SYNPR: variants seen among roughly 807,000 people sequenced by gnomAD.
SYNPR encodes synaptoporin.
A neutral mutation model predicts 32.9 loss-of-function variants in SYNPR; 23 were observed. The observed-to-expected ratio is 0.70, with a 90% CI of 0.50 to 0.99. The LOEUF is 0.99. Ranked by LOEUF, SYNPR falls within the 50% of genes least tolerant of loss-of-function variation. The pLI, the probability that SYNPR is intolerant of heterozygous loss-of-function variation, is 0.00. For synonymous variants in SYNPR, 146 were observed against 135.9 expected, an observed-to-expected ratio of 1.07 and a Z score of -0.52; for missense variants, 318 against 349.3, an observed-to-expected ratio of 0.91 and a Z score of 0.71.
At chr3:63,285,657 T>C (rs1182820341) in intron 2 of SYNPR, among the ~76,000 whole-genome samples, 7 of 152,174 alleles carry the variant, frequency 4.6e-5, no homozygotes, top group African/African-American at 1.7e-4. Context: ...CTGAGTGTAT[T>C]AAGACAACTG....
chr3:63,343,857 A>C (rs2087401951), intron 2 of SYNPR, among the ~76,000 whole-genome samples: 1 of 152,238 alleles, frequency 6.6e-6, no homozygotes, highest in African/African-American at 2.4e-5. Flanking sequence ...ACGGTGACTC[A>C]GGCTCCTGGC....
At chr3:63,456,477 T>G (rs894273955) in intron 2 of SYNPR, among the ~76,000 whole-genome samples, 1 of 152,128 alleles carries the variant, frequency 6.6e-6, no homozygotes, top group African/African-American at 2.4e-5. Flanking sequence ...AGTTTCCATT[T>G]TTTTGAGCCC....
intron 4 of SYNPR, among the ~76,000 whole-genome samples, chr3:63,589,300 T>C (rs958780557): frequency 1.3e-5 from 2 of 152,088 alleles, no homozygotes; most frequent in Non-Finnish European, 2.9e-5. Flanking sequence ...CCAAGGACTT[T>C]TCCTACAAAG....
intron 2 of SYNPR, among the ~76,000 whole-genome samples, chr3:63,325,957 C>T (rs1322318209): frequency 1.3e-5 from 2 of 151,998 alleles, no homozygotes; most frequent in African/African-American, 2.4e-5. Flanking sequence ...CACATCCCTG[C>T]ATGTCCAAGA....
chr3:63,229,533 T>C (rs9878753), intron 1 of SYNPR, among the ~76,000 whole-genome samples: 2,182 of 152,212 alleles, frequency 0.014, 42 homozygotes, highest in African/African-American at 0.049. Flanking sequence ...ATGTACACAG[T>C]TGCATTTTTG....
intron 2 of SYNPR, among the ~76,000 whole-genome samples, chr3:63,461,127 C>T (rs1446964373): frequency 1.3e-5 from 2 of 151,918 alleles, no homozygotes; most frequent in South Asian, 4.2e-4. Flanking sequence ...TAGGAAATAT[C>T]CTAAAAGGAG....
intron 2 of SYNPR, among the ~76,000 whole-genome samples, chr3:63,284,057 C>T (rs2086657690): frequency 6.6e-6 from 1 of 152,128 alleles, no homozygotes; most frequent in South Asian, 2.1e-4. Flanking sequence ...ATCTGCCGGC[C>T]TCGGCCTCCC....
chr3:63,481,006 T>C, intron 3 of SYNPR, 50 bp downstream of exon 3: 2 of 1,575,258 alleles, frequency 1.3e-6, no homozygotes, highest in East Asian at 2.3e-5. Flanking sequence ...GTTATTTCTT[T>C]CTTCTGTGCT....
At position 63,451,317 on chromosome 3, in the gene SYNPR, C is replaced by T. The variant is rs569230350; in HGVS notation, c.85-29515C>T. ...TTAGGGGAACCATTTCCCCAGTCTACCAGGAAACTCACTGCAGTTATGGGA... is the reference window on the plus strand; with the variant it reads ...TTAGGGGAACCATTTCCCCAGTCTATCAGGAAACTCACTGCAGTTATGGGA... On this transcript the variant is annotated intron_variant, in intron 2 of 5. Coordinates refer to ENST00000478300, the MANE Select transcript of SYNPR (RefSeq NM_001130003.2). Among the ~76,000 whole-genome samples, 127 of 152,204 alleles carry T rather than the reference C, an allele frequency of 8.3e-4. No individual in the cohort carries two copies. In the Middle Eastern group the frequency reaches 0.027, roughly 33 times the overall value.
At chr3:63,568,061 AG>A (rs1702822802) in intron 4 of SYNPR, among the ~76,000 whole-genome samples, 1 of 152,354 alleles carries the variant, frequency 6.6e-6, no homozygotes, top group Middle Eastern at 3.4e-3. Flanking sequence ...GACTGAAAAA[AG>A]TGAAATTATT....
At chr3:63,327,089 T>C (rs1162090202) in intron 2 of SYNPR, among the ~76,000 whole-genome samples, 2 of 152,234 alleles carry the variant, frequency 1.3e-5, no homozygotes, top group East Asian at 1.9e-4. Context: ...TTACTAACTA[T>C]GTAAAAGTTG....
At position 63,460,673 on chromosome 3, in the gene SYNPR, A is replaced by T. The variant is rs1038292282; in HGVS notation, c.85-20159A>T. Among the ~76,000 whole-genome samples, 4 of 151,892 alleles carry T rather than the reference A, an allele frequency of 2.6e-5. No homozygotes were observed. The South Asian group carries it at 8.3e-4, about 31-fold the overall frequency. On this transcript the variant is annotated intron_variant, in intron 2 of 5. Coordinates refer to ENST00000478300, the MANE Select transcript of SYNPR (RefSeq NM_001130003.2). ...CAATGAGAGAGGAGGCTAGAGGGGA[A>T]AGCAAGGACTTGAAGACCGAAAGCC...
chr3:63,334,680 A>G (rs1333891951), intron 2 of SYNPR, among the ~76,000 whole-genome samples: 1 of 152,176 alleles, frequency 6.6e-6, no homozygotes, highest in South Asian at 2.1e-4. Flanking sequence ...CTTATTGGGT[A>G]TCTTTTGAAT....
chr3:63,253,636 A>G (rs2086356595), intron 2 of SYNPR, among the ~76,000 whole-genome samples: 1 of 152,214 alleles, frequency 6.6e-6, no homozygotes, highest in African/African-American at 2.4e-5. Flanking sequence ...CACACCAGTT[A>G]GAATGGCGAT....
At chr3:63,315,035 A>G (rs1031864114) in intron 2 of SYNPR, among the ~76,000 whole-genome samples, 1 of 152,026 alleles carries the variant, frequency 6.6e-6, no homozygotes, top group African/African-American at 2.4e-5. Flanking sequence ...GTCAAAGTTC[A>G]GTTGGCTGTA....
the SYNPR span, among the ~76,000 whole-genome samples, chr3:63,203,803 C>A: frequency 6.6e-6 from 1 of 151,284 alleles, no homozygotes. Context: ...TTGAGACCAG[C>A]CAGGCCAATC....
chr3:63,576,181 G>A (rs148157152), intron 4 of SYNPR, among the ~76,000 whole-genome samples: 3 of 152,070 alleles, frequency 2.0e-5, no homozygotes, highest in Non-Finnish European at 4.4e-5. Context: ...CATCATCCCT[G>A]TATAGCCTTT....
At chr3:63,363,403 G>A (rs1443267730) in intron 2 of SYNPR, among the ~76,000 whole-genome samples, 1 of 152,178 alleles carries the variant, frequency 6.6e-6, no homozygotes, top group African/African-American at 2.4e-5. Context: ...CCTTTTAAGT[G>A]AGAAGAATTG....
intron 4 of SYNPR, among the ~76,000 whole-genome samples, chr3:63,565,332 T>C (rs1702762631): frequency 6.6e-6 from 1 of 152,146 alleles, no homozygotes; most frequent in Non-Finnish European, 1.5e-5. Context: ...ATTAATCTTC[T>C]CACAGTTCTG....
Sources: gnomAD v4.1 joint callset for allele counts (sites outside exome capture counted in the v4.1 genomes callset) on GRCh38, gnomAD v4.1.1 for gene constraint, MANE v1.5 for transcripts, NCBI Gene and HGNC (gene_info 2026-07-23, HGNC 2026-07-21) for gene names.